Variants in RIC8B observed in about 807,000 individuals in gnomAD.
RIC8B encodes the protein chaperone Ric-8B.
In RIC8B, 16 loss-of-function variants were observed where a neutral mutation model predicts 57.5. The ratio of observed to expected loss-of-function variants is 0.28; its 90% CI spans 0.19 to 0.42. The LOEUF (loss-of-function observed/expected upper bound fraction) is 0.42. RIC8B is among the 10% of genes least tolerant of loss of function. RIC8B has a pLI of 1.00. For synonymous variants in RIC8B, 216 were observed against 250.8 expected, an observed-to-expected ratio of 0.86 and a Z score of 1.31; for missense variants, 481 against 677.0, an observed-to-expected ratio of 0.71 and a Z score of 3.21.
At chr12:106,868,550 G>C in intron 8 of RIC8B, 1 of 282,466 alleles carries the variant, frequency 3.5e-6, no homozygotes, top group South Asian at 3.6e-5. Flanking sequence ...TAATGGATGG[G>C]TGGTGGAATT....
intron 2 of RIC8B, among the ~76,000 whole-genome samples, chr12:106,787,507 C>T (rs2044086745): frequency 2.0e-5 from 3 of 152,198 alleles, no homozygotes; most frequent in Middle Eastern, 3.4e-3. Flanking sequence ...TCCCTATATT[C>T]GTTTTCACAC....
chr12:106,775,225 G>A (rs542294140), intron 1 of RIC8B: 96 of 428,730 alleles, frequency 2.2e-4, no homozygotes, highest in South Asian at 1.3e-3. Flanking sequence ...CCCTTGACAT[G>A]CATCAAATGT....
At chr12:106,842,071 A>T (rs902604096) in intron 4 of RIC8B, among the ~76,000 whole-genome samples, 3 of 152,208 alleles carry the variant, frequency 2.0e-5, no homozygotes, top group Non-Finnish European at 4.4e-5. Flanking sequence ...AAAAATTGGG[A>T]TGATTTTTAA....
chr12:106,866,516 C>T (rs550538383), intron 8 of RIC8B, among the ~76,000 whole-genome samples: 1 of 152,126 alleles, frequency 6.6e-6, no homozygotes, highest in African/African-American at 2.4e-5. Context: ...CTTTCCCACC[C>T]GCCTGTCCCC....
chr12:106,775,377 G>A (rs1288978696), intron 1 of RIC8B: 1 of 456,060 alleles, frequency 2.2e-6, no homozygotes, highest in African/African-American at 2.0e-5. Flanking sequence ...TGAGGAAACC[G>A]AGGTGCAAAG....
At position 106,870,805 on chromosome 12, in the gene RIC8B, T is replaced by C; in HGVS notation, c.1452-18T>C. On this transcript the variant is annotated intron_variant, in intron 8 of 9. Transcript: ENST00000392837. Reference sequence around the variant, plus strand: ...ATAATTTTAAAACATACAGCATAACTTTTTTTTCTTTTTGTAGCATTAATC... The same window carrying C: ...ATAATTTTAAAACATACAGCATAACCTTTTTTTCTTTTTGTAGCATTAATC... 1 of 1,479,632 alleles carries C rather than the reference T, an allele frequency of 6.8e-7. No homozygotes were observed. The highest frequency in any genetic ancestry group is 9.0e-7 in the Non-Finnish European group (1 of 1,110,870). 91.7% of individuals were successfully genotyped at this position (1,479,632 alleles called of 1,614,324 possible).
rs76543679 is a variant in RIC8B, at chr12:106,864,419, A to C, written c.1451+4007A>C. ...ATAGCTGGTATTTATTGAGTGCTTA[A>C]TATGTGCCAGGCACTTTTCTAAGAA... On this transcript the variant is annotated intron_variant, in intron 8 of 9. Transcript: ENST00000392837. Among the ~76,000 whole-genome samples, 274 of 152,242 alleles carry C rather than the reference A, an allele frequency of 1.8e-3. 3 individuals carry two copies. Among genetic ancestry groups the C allele is most frequent in the African/African-American group, 6.2e-3 (258 of 41,548 alleles).
chr12:106,868,336 G>C, intron 8 of RIC8B: 1 of 456,838 alleles, frequency 2.2e-6, no homozygotes. Context: ...CATCTCTCAA[G>C]AGGCAAATAA....
chr12:106,870,409 C>T (rs1453526435), intron 8 of RIC8B, among the ~76,000 whole-genome samples: 1 of 152,018 alleles, frequency 6.6e-6, no homozygotes, highest in Non-Finnish European at 1.5e-5. Context: ...CATCATTTTT[C>T]CAATTTTTTT....
intron 2 of RIC8B, among the ~76,000 whole-genome samples, chr12:106,800,603 A>G (rs951528867): frequency 6.6e-5 from 10 of 152,198 alleles, no homozygotes; most frequent in African/African-American, 1.9e-4. Flanking sequence ...GAGCTTTAAC[A>G]TATGAATCTG....
At chr12:106,857,189 T>G (rs1259337848) in intron 7 of RIC8B, among the ~76,000 whole-genome samples, 1 of 152,154 alleles carries the variant, frequency 6.6e-6, no homozygotes, top group South Asian at 2.1e-4. Flanking sequence ...AAAGATATTT[T>G]GGGCAGTTGT....
chr12:106,872,693 C>T (rs1002129235), intron 9 of RIC8B, among the ~76,000 whole-genome samples: 11 of 149,904 alleles, frequency 7.3e-5, no homozygotes, highest in South Asian at 2.1e-4. Flanking sequence ...AAAACAAACC[C>T]GACAGAGTCC....
chr12:106,809,765 A>G (rs994208095), intron 2 of RIC8B, among the ~76,000 whole-genome samples: 11 of 152,250 alleles, frequency 7.2e-5, no homozygotes, highest in African/African-American at 2.6e-4. Flanking sequence ...AGTGTACACA[A>G]TGTATAATGA....
intron 3 of RIC8B, chr12:106,823,040 C>T (rs1322516204): frequency 6.4e-6 from 1 of 155,352 alleles, no homozygotes; most frequent in Non-Finnish European, 1.4e-5. Flanking sequence ...TGGGTATGCT[C>T]ATTTTGTCAA....
rs754916506 is a variant in RIC8B, at chr12:106,812,945, C to T, written c.133-1751C>T. Among the ~76,000 whole-genome samples the T allele has an allele frequency of 7.0e-4, 107 of 152,012 alleles. 5 individuals are homozygous for T. Among genetic ancestry groups the T allele is most frequent in the Non-Finnish European group, 3.2e-4 (22 of 67,984 alleles). On this transcript the variant is annotated intron_variant, in intron 2 of 9. Coordinates refer to ENST00000392837, the MANE Select transcript of RIC8B (RefSeq NM_001330145.2). ...TTCTTTTCCACATCTATTTAGAGAA[C>T]GCAATACAGTCATCCCTCTGTATCG...
chr12:106,833,100 T>C (rs1021004060), intron 4 of RIC8B, among the ~76,000 whole-genome samples: 1 of 152,180 alleles, frequency 6.6e-6, no homozygotes, highest in Non-Finnish European at 1.5e-5. Context: ...GTGTTTTGTG[T>C]GCCATTAGCC....
intron 4 of RIC8B, among the ~76,000 whole-genome samples, chr12:106,833,886 CTG>C (rs1332386775): frequency 6.6e-6 from 1 of 152,126 alleles, no homozygotes; most frequent in Non-Finnish European, 1.5e-5. Context: ...AGTTCTCACT[CTG>C]TGATCACTCG....
At chr12:106,882,987 G>T (rs1951022184) in intron 9 of RIC8B, among the ~76,000 whole-genome samples, 1 of 152,156 alleles carries the variant, frequency 6.6e-6, no homozygotes, top group African/African-American at 2.4e-5. Context: ...GGGAGCAAGG[G>T]TAAAGCTGAT....
At chr12:106,812,355 T>TGG (rs1184091004) in intron 2 of RIC8B, among the ~76,000 whole-genome samples, 3 of 152,186 alleles carry the variant, frequency 2.0e-5, no homozygotes, top group Non-Finnish European at 4.4e-5. Flanking sequence ...TGTATAGCCC[T>TGG]GGCTATTCCA....
Sources: gnomAD v4.1 joint callset for allele counts (sites outside exome capture counted in the v4.1 genomes callset) on GRCh38, gnomAD v4.1.1 for gene constraint, MANE v1.5 for transcripts, NCBI Gene and HGNC (gene_info 2026-07-23, HGNC 2026-07-21) for gene names.